Variants in CDC42BPA observed in about 807,000 individuals in gnomAD.
CDC42BPA encodes the protein serine/threonine-protein kinase MRCK alpha.
CDC42BPA carries 80 observed loss-of-function variants against 223.5 expected under a neutral mutation model. The ratio of observed to expected loss-of-function variants is 0.36; its 90% CI spans 0.30 to 0.43. CDC42BPA has a LOEUF of 0.43. Ranked by LOEUF, CDC42BPA falls within the 20% of genes least tolerant of loss-of-function variation. The pLI is 1.00. For missense variants in CDC42BPA, 1,743 were observed against 2,099.9 expected (o/e 0.83, Z 3.32); for synonymous variants, 694 against 718.6 (o/e 0.97, Z 0.55).
rs1399213653 is a variant in CDC42BPA at position 226,994,016 on chromosome 1, G to A, written c.*252C>T. On this transcript the variant is annotated 3_prime_UTR_variant, in exon 37 of 37. Transcript: ENST00000366766. This position sits in a 1 kb window ranked among gnomAD's most constrained non-coding sequence, Gnocchi z 4.0. Reference sequence around the variant, plus strand: ...GAGTAGGGGTAAAATGTTACTGAAAGCAACTCTAAGTGCATGGAATGAAAT... The same window carrying A: ...GAGTAGGGGTAAAATGTTACTGAAAACAACTCTAAGTGCATGGAATGAAAT... 1 of 422,424 alleles carries A rather than the reference G, an allele frequency of 2.4e-6. No homozygotes were observed. Among genetic ancestry groups the A allele is most frequent in the Non-Finnish European group, 4.3e-6 (1 of 232,960 alleles). The allele number at this position is 422,424 out of a possible 1,614,324, so 26.2% of individuals were successfully genotyped here. A position where few individuals can be genotyped will look rare whatever the true frequency, so the allele number is the denominator to read the frequency against.
At chr1:227,280,640 T>C (rs1687864700) in intron 1 of CDC42BPA, among the ~76,000 whole-genome samples, 1 of 152,244 alleles carries the variant, frequency 6.6e-6, no homozygotes. Context: ...TGAAGACTAT[T>C]ACACTAAATT....
intron 21 of CDC42BPA, among the ~76,000 whole-genome samples, chr1:227,057,505 T>C (rs1027986446): frequency 6.7e-6 from 1 of 149,046 alleles, no homozygotes; most frequent in South Asian, 2.1e-4. Context: ...TACACTGATG[T>C]CCCAGGGAAC....
intron 1 of CDC42BPA, among the ~76,000 whole-genome samples, chr1:227,310,242 A>G (rs910474735): frequency 6.6e-6 from 1 of 152,222 alleles, no homozygotes; most frequent in African/African-American, 2.4e-5. Context: ...TTAACATTAA[A>G]TGTTGTCTAA....
chr1:227,186,093 C>A (rs1668732846), intron 5 of CDC42BPA, among the ~76,000 whole-genome samples: 2 of 152,154 alleles, frequency 1.3e-5, no homozygotes, highest in South Asian at 4.1e-4. Flanking sequence ...AGAACCAGTG[C>A]CTGGTTAGGA....
At chr1:227,096,279 T>C (rs1410024750) in intron 15 of CDC42BPA, among the ~76,000 whole-genome samples, 1 of 152,062 alleles carries the variant, frequency 6.6e-6, no homozygotes, top group African/African-American at 2.4e-5. Flanking sequence ...TTCAGAAAAA[T>C]ATGTACACAA....
At chr1:227,072,664 A>C (rs949711270) in intron 19 of CDC42BPA, among the ~76,000 whole-genome samples, 1 of 152,018 alleles carries the variant, frequency 6.6e-6, no homozygotes, top group Non-Finnish European at 1.5e-5. Context: ...TACAAAATCA[A>C]AGGTTAATTT....
chr1:227,132,097 C>T (rs542579934), intron 10 of CDC42BPA, among the ~76,000 whole-genome samples: 1 of 151,576 alleles, frequency 6.6e-6, no homozygotes, highest in East Asian at 1.9e-4. Flanking sequence ...GCTTGTGGTT[C>T]ACCAATTAAG....
intron 1 of CDC42BPA, among the ~76,000 whole-genome samples, chr1:227,302,267 T>C (rs1174522654): frequency 6.6e-6 from 1 of 152,234 alleles, no homozygotes. Context: ...GTGCTGGTTT[T>C]AGTAGAAGTC....
chr1:227,317,449 A>T lies in CDC42BPA; in HGVS notation c.-267T>A. The T allele has an allele frequency of 2.5e-6, 1 of 402,188 alleles. No homozygotes were observed. Among genetic ancestry groups the T allele is most frequent in the Non-Finnish European group, 4.4e-6 (1 of 229,014 alleles). The allele number at this position is 402,188 out of a possible 1,614,324, so 24.9% of individuals were successfully genotyped here. On this transcript the variant is annotated 5_prime_UTR_variant, in exon 1 of 37. Coordinates refer to ENST00000366766, the MANE Select transcript of CDC42BPA (RefSeq NM_001394014.1). ...ATGCATTTTTAAAAGAATACAATTA[A>T]GTCGTATATTTAAATAAAATAATAA... is the stretch of plus-strand genomic sequence containing the variant.
chr1:227,099,630 C>T (rs1351570129), intron 15 of CDC42BPA, among the ~76,000 whole-genome samples: 1 of 152,082 alleles, frequency 6.6e-6, no homozygotes. Flanking sequence ...CTCGTCTCTA[C>T]TATTCTTTTC....
chr1:227,097,992 T>G (rs1300558537), intron 15 of CDC42BPA, among the ~76,000 whole-genome samples: 2 of 152,202 alleles, frequency 1.3e-5, no homozygotes, highest in African/African-American at 4.8e-5. Flanking sequence ...CTTCCTTTTA[T>G]TCCTGTTCTA....
chr1:227,080,710 G>A (rs972107173), intron 17 of CDC42BPA, among the ~76,000 whole-genome samples, 183 bp downstream of exon 17: 2 of 152,076 alleles, frequency 1.3e-5, no homozygotes, highest in Non-Finnish European at 2.9e-5. Context: ...GGGAACAGAG[G>A]AATGTAACAG....
At chr1:227,261,500 C>A (rs1387495732) in intron 1 of CDC42BPA, among the ~76,000 whole-genome samples, 1 of 147,684 alleles carries the variant, frequency 6.8e-6, no homozygotes, top group Non-Finnish European at 1.5e-5. Context: ...CAGACCCACA[C>A]ATACACAAAT....
At chr1:227,037,661 A>G (rs1670533626) in intron 24 of CDC42BPA, among the ~76,000 whole-genome samples, 1 of 152,234 alleles carries the variant, frequency 6.6e-6, no homozygotes, top group African/African-American at 2.4e-5. Flanking sequence ...TCCCATTCTA[A>G]CAGCAGAAGA....
intron 2 of CDC42BPA, among the ~76,000 whole-genome samples, chr1:227,253,607 A>AATAAATAAATACATACATACATAC (rs368046447): frequency 8.6e-6 from 1 of 116,466 alleles, no homozygotes; most frequent in South Asian, 2.3e-4. Flanking sequence ...AAAATAAATA[A>AATAAATAAATACATACATACATAC]ATACATACAT....
chr1:227,079,045 T>C (rs1680084784), intron 17 of CDC42BPA, among the ~76,000 whole-genome samples: 1 of 152,130 alleles, frequency 6.6e-6, no homozygotes, highest in Non-Finnish European at 1.5e-5. Flanking sequence ...TGAAAATAAC[T>C]CAGTCTTCTG....
At chr1:226,997,757 G>C (rs577685343) in intron 35 of CDC42BPA, among the ~76,000 whole-genome samples, 1 of 152,124 alleles carries the variant, frequency 6.6e-6, no homozygotes. Context: ...GTAGTTGTGC[G>C]GTTTTGAGTG....
chr1:227,188,327 T>C (rs1558710852), intron 5 of CDC42BPA, among the ~76,000 whole-genome samples: 1 of 152,060 alleles, frequency 6.6e-6, no homozygotes, highest in Non-Finnish European at 1.5e-5. Flanking sequence ...TGAGATTAGT[T>C]GTAAATTTAT....
chr1:227,079,925 A>T (rs1001544918), intron 17 of CDC42BPA, among the ~76,000 whole-genome samples: 1 of 143,168 alleles, frequency 7.0e-6, no homozygotes, highest in Non-Finnish European at 1.5e-5. Context: ...ATGGGACCCA[A>T]GACAAAACAC....
Sources: allele counts gnomAD v4.1 joint callset (sites outside exome capture counted in the v4.1 genomes callset), GRCh38; gene constraint gnomAD v4.1.1; non-coding constraint Gnocchi (gnomAD v3.1); transcripts MANE v1.5; gene names NCBI Gene and HGNC (gene_info 2026-07-23, HGNC 2026-07-21).